Variants in LYSMD3 observed in about 807,000 individuals in gnomAD.
LYSMD3 encodes lysM and putative peptidoglycan-binding domain-containing protein 3.
A neutral mutation model predicts 26.1 loss-of-function variants in LYSMD3; 13 were observed. The observed-to-expected ratio is 0.50, with a 90% CI of 0.32 to 0.79. The LOEUF is 0.79. Ranked by LOEUF, LYSMD3 falls within the 30% of genes least tolerant of loss-of-function variation. The probability of loss-of-function intolerance (pLI) is 0.03; values close to 1 mark genes in which losing one functional copy is unlikely to be tolerated. For synonymous variants in LYSMD3, 109 were observed against 119.4 expected (o/e 0.91, Z 0.57); for missense variants, 331 against 362.5 (o/e 0.91, Z 0.71).
intron 1 of LYSMD3, among the ~76,000 whole-genome samples, chr5:90,527,411 ATTT>A (rs71614754): frequency 2.8e-5 from 4 of 140,684 alleles, no homozygotes; most frequent in East Asian, 2.1e-4. Flanking sequence ...TATTAATGGT[ATTT>A]TTTTTTTTTT....
intron 2 of LYSMD3, chr5:90,520,427 T>C (rs1181713996): frequency 4.4e-6 from 2 of 456,154 alleles, no homozygotes; most frequent in Non-Finnish European, 8.8e-6. Flanking sequence ...TTTGGTCAAC[T>C]TGATGGACGA....
At chr5:90,521,841 C>T (rs545509435) in intron 2 of LYSMD3, among the ~76,000 whole-genome samples, 20 of 152,216 alleles carry the variant, frequency 1.3e-4, no homozygotes, top group African/African-American at 4.8e-4. Flanking sequence ...GTATAACTGA[C>T]AGATTTTTAA....
intron 2 of LYSMD3, among the ~76,000 whole-genome samples, chr5:90,524,764 T>C (rs1243355657): frequency 6.6e-6 from 1 of 152,114 alleles, no homozygotes; most frequent in Non-Finnish European, 1.5e-5. Flanking sequence ...GCTAATTTTT[T>C]TGTATTTTTA....
intron 1 of LYSMD3, among the ~76,000 whole-genome samples, chr5:90,526,244 G>C (rs888986628): frequency 6.6e-6 from 1 of 152,120 alleles, no homozygotes; most frequent in African/African-American, 2.4e-5. Context: ...CTGGAAGCAG[G>C]AATTTTTCTT....
chr5:90,529,375 C>G, intron 1 of LYSMD3, 73 bp downstream of exon 1: 2 of 456,308 alleles, frequency 4.4e-6, no homozygotes, highest in Admixed American at 2.3e-5. Flanking sequence ...CAGCGCCTCC[C>G]GTGAGGACGC....
At chr5:90,529,080 TCA>T (rs908671978) in intron 1 of LYSMD3, among the ~76,000 whole-genome samples, 3 of 152,244 alleles carry the variant, frequency 2.0e-5, no homozygotes, top group African/African-American at 7.2e-5. Context: ...AGATTACGTC[TCA>T]GAGTCTTCTG....
chr5:90,519,127 G>T lies in LYSMD3; in HGVS notation c.613C>A (p.Arg205Ser). Residue 205 changes from arginine (R) to serine (S), a missense_variant, in exon 3 of 3, where the codon CGT (arginine) becomes AGT (serine). Physicochemically the swap from Arg to Ser is moderately radical, Grantham distance 110. Around this residue, in one of 3 missense-constraint regions of LYSMD3, gnomAD observed 262 missense variants for 267.3 expected, o/e 0.98. Coordinates refer to ENST00000315948, the MANE Select transcript of LYSMD3 (RefSeq NM_198273.2). Reference protein sequence around the residue: ...RFEPDNKNTQRKDPYYGADWG... With the variant: ...RFEPDNKNTQSKDPYYGADWG... Reference sequence around the variant, plus strand: ...TCTGCTCCATAATAGGGGTCTTTACGTTGAGTGTTTTTGTTATCAGGTTCA... The same window carrying T: ...TCTGCTCCATAATAGGGGTCTTTACTTTGAGTGTTTTTGTTATCAGGTTCA... 7 of 1,614,020 alleles carry T rather than the reference G, an allele frequency of 4.3e-6. No individual in the cohort carries two copies. The highest frequency in any genetic ancestry group is 5.1e-6 in the Non-Finnish European group (6 of 1,179,972).
Position 90,519,290 on chromosome 5 carries a change from A to C in LYSMD3, c.450T>G (p.Ser150=). ...TACCAGCTGAGTCACTGTAAGCAAG[A>C]GAATCATTAGCTGGCAAAATTTCCT... ...EQQEILPAND[S]LAYSDSAGSF... is the part of the protein sequence containing the mutation. The change falls in exon 3 of 3, where the codon TCT becomes TCG. Residue 150 remains serine, a synonymous_variant. Transcript: ENST00000315948. 6.2e-7 allele frequency: 1 copy of C among 1,614,048 alleles called. No homozygotes were observed. The highest frequency in any genetic ancestry group is 1.7e-5 in the Admixed American group (1 of 60,024).
In LYSMD3 at chr5:90,517,556, C is replaced by T. The variant is rs1752978998; in HGVS notation, c.*1263G>A. The T allele has an allele frequency of 6.6e-6, 1 of 151,990 alleles. No individual in the cohort carries two copies. The highest frequency in any genetic ancestry group is 2.4e-5 in the African/African-American group (1 of 41,398). 9.4% of individuals were successfully genotyped at this position (151,990 alleles called of 1,614,324 possible). On this transcript the variant is annotated 3_prime_UTR_variant, in exon 3 of 3. Transcript: ENST00000315948. ...TTACTTAGCCAGACTGTAGCCGACT[C>T]AACAGATCTTAAAAAGAGGCACTAC...
At chr5:90,522,159 T>G (rs1391314293) in intron 2 of LYSMD3, among the ~76,000 whole-genome samples, 1 of 152,148 alleles carries the variant, frequency 6.6e-6, no homozygotes, top group Non-Finnish European at 1.5e-5. Flanking sequence ...TTGTGAGATC[T>G]GATTGTTTAA....
intron 1 of LYSMD3, 122 bp downstream of exon 1, chr5:90,529,326 C>A: frequency 2.2e-6 from 1 of 447,896 alleles, no homozygotes; most frequent in Non-Finnish European, 4.5e-6. Context: ...ACGGGCCGAG[C>A]CCGGCCCTGC....
Position 90,525,440 on chromosome 5 carries a change from G to A in LYSMD3, c.-11-140C>T, listed in dbSNP as rs550601796. 1.3e-4 allele frequency: 111 copies of A among 887,638 alleles called. 1 individual carries two copies. The East Asian group carries it at 1.6e-3, about 13-fold the overall frequency. The allele number at this position is 887,638 out of a possible 1,614,324, so 55.0% of individuals were successfully genotyped here. On this transcript the variant is annotated intron_variant, in intron 1 of 2. Coordinates refer to ENST00000315948, the MANE Select transcript of LYSMD3 (RefSeq NM_198273.2). ...TATTTAAACATTTAGGTTTAAGTTC[G>A]TTTTTTTGTTTTGTTTTGTTTTGTT...
rs938205869 is a variant in LYSMD3, at chr5:90,518,945, G to C, written c.795C>G (p.Pro265=). 1.4e-5 allele frequency: 23 copies of C among 1,613,896 alleles called. No individual in the cohort carries two copies. Among genetic ancestry groups the C allele is most frequent in the Non-Finnish European group, 1.9e-5 (23 of 1,179,958 alleles). The change falls in exon 3 of 3, where the codon CCC becomes CCG. Residue 265 remains proline (P), a synonymous_variant. Transcript: ENST00000315948. ...TTTCCATTTCTCTCTGCTGTGATGG[G>C]GGTGTGATTTTTGAATGTAAATGTG... ...DSSHLHSKIT[P]PSQQREMENG... is the part of the protein sequence containing the mutation.
chr5:90,529,414 C>T (rs1753305420), intron 1 of LYSMD3, 34 bp downstream of exon 1: 2 of 456,488 alleles, frequency 4.4e-6, no homozygotes, highest in South Asian at 3.1e-5. Context: ...CCCTCCTGGA[C>T]CGGGCTACCC....
At chr5:90,520,875 T>C (rs1200964122) in intron 2 of LYSMD3, among the ~76,000 whole-genome samples, 2 of 151,068 alleles carry the variant, frequency 1.3e-5, no homozygotes, top group African/African-American at 4.9e-5. Context: ...GCAGAGATTG[T>C]GCCACTGCAC....
In LYSMD3 at chr5:90,519,444, T is replaced by C; in HGVS notation, c.296A>G (p.Gln99Arg). 6.2e-7 allele frequency: 1 copy of C among 1,613,564 alleles called. No individual in the cohort carries two copies. Among genetic ancestry groups the C allele is most frequent in the Non-Finnish European group, 8.5e-7 (1 of 1,179,926 alleles). ...GATAGACCTAAGGGCAAAAAAGTCT[T>C]GATCACTGATGAGATTGTTAACTCT... ...IKRVNNLISD[Q>R]DFFALRSIKI... The change falls in exon 3 of 3, where the codon CAA (glutamine) becomes CGA (arginine). Residue 99 changes from glutamine to arginine, a missense_variant. Physicochemically the swap from Gln to Arg is conservative, Grantham distance 43. This residue lies in a region of LYSMD3 where 262 missense variants were observed against 267.3 expected (regional missense o/e 0.98). Transcript: ENST00000315948.
At chr5:90,521,813 ATTC>A (rs1304003444) in intron 2 of LYSMD3, among the ~76,000 whole-genome samples, 1 of 152,056 alleles carries the variant, frequency 6.6e-6, no homozygotes. Flanking sequence ...TGGACTTTTT[ATTC>A]TTCTCATCAC....
Sources: gnomAD v4.1 joint callset for allele counts (sites outside exome capture counted in the v4.1 genomes callset) on GRCh38, gnomAD v4.1.1 for gene constraint, gnomAD v4.1.1 regional missense constraint, MANE v1.5 for transcripts, NCBI Gene and HGNC (gene_info 2026-07-23, HGNC 2026-07-21) for gene names.